ANO6: variants seen among roughly 807,000 people sequenced by gnomAD.
The protein encoded by ANO6 is anoctamin-6.
Under a neutral mutation model 117.5 loss-of-function variants are expected in ANO6, and 106 were observed. That is an observed-to-expected ratio of 0.90 (90% CI 0.77 to 1.06). The LOEUF (loss-of-function observed/expected upper bound fraction) is 1.06, where lower values mean the gene tolerates loss of function less well. Ranked by LOEUF, ANO6 falls within the 50% of genes least tolerant of loss-of-function variation. The pLI is 0.00. For missense variants in ANO6, 955 were observed against 1,121.1 expected, an observed-to-expected ratio of 0.85 and a Z score of 2.12; for synonymous variants, 367 against 385.1, an observed-to-expected ratio of 0.95 and a Z score of 0.55.
intron 1 of ANO6, among the ~76,000 whole-genome samples, chr12:45,218,926 C>T (rs1277403203): frequency 6.6e-6 from 1 of 152,248 alleles, no homozygotes; most frequent in African/African-American, 2.4e-5. Flanking sequence ...TTAATATTAC[C>T]TTTATAATTC....
At chr12:45,322,210 A>G (rs1189760210) in intron 2 of ANO6, among the ~76,000 whole-genome samples, 1 of 152,152 alleles carries the variant, frequency 6.6e-6, no homozygotes, top group East Asian at 1.9e-4. Flanking sequence ...AGAGAAAGAA[A>G]CATGAACCCA....
intron 2 of ANO6, among the ~76,000 whole-genome samples, chr12:45,320,622 C>A (rs536373229): frequency 2.6e-5 from 4 of 152,112 alleles, no homozygotes; most frequent in East Asian, 1.9e-4. Flanking sequence ...AGTTCTGTAG[C>A]TATCTATTAG....
chr12:45,247,500 G>A lies in ANO6; in HGVS notation c.70+31109G>A, dbSNP rs148730126. 1.4e-3 allele frequency among the ~76,000 whole-genome samples: 208 copies of A among 152,298 alleles called. 1 individual carries two copies. Among genetic ancestry groups the A allele is most frequent in the African/African-American group, 4.8e-3 (198 of 41,550 alleles). ...ATGGTTATGGCAGGATTGGAACTTA[G>A]GCTGAATCACTGAGGTGGTTCCTGG... On this transcript the variant is annotated intron_variant, in intron 1 of 19. Coordinates refer to ENST00000320560, the MANE Select transcript of ANO6 (RefSeq NM_001025356.3).
At chr12:45,407,841 A>G (rs2137651946) in intron 15 of ANO6, among the ~76,000 whole-genome samples, 1 of 152,182 alleles carries the variant, frequency 6.6e-6, no homozygotes, top group South Asian at 2.1e-4. Context: ...TTATTTTTTT[A>G]CCAAAGTTAA....
In ANO6 at chr12:45,367,712, T is replaced by C. The variant is rs757005831; in HGVS notation, c.1023T>C (p.Ile341=). ...TWSKEVCHPD[I]GGKIIMCPQC... Reference sequence around the variant, plus strand: ...GCAAAGAAGTTTGTCATCCTGATATTGGTGGCAAGATCATAATGTGTCCTC... The same window carrying C: ...GCAAAGAAGTTTGTCATCCTGATATCGGTGGCAAGATCATAATGTGTCCTC... The change falls in exon 9 of 20, where the codon ATT becomes ATC. Residue 341 remains isoleucine (I), a synonymous_variant. Coordinates refer to ENST00000320560, the MANE Select transcript of ANO6 (RefSeq NM_001025356.3). 2 of 1,613,376 alleles carry C rather than the reference T, an allele frequency of 1.2e-6. No individual in the cohort carries two copies. Among genetic ancestry groups the C allele is most frequent in the Non-Finnish European group, 1.7e-6 (2 of 1,179,760 alleles).
chr12:45,282,353 G>A (rs1417664776), intron 1 of ANO6, among the ~76,000 whole-genome samples: 1 of 152,208 alleles, frequency 6.6e-6, no homozygotes, highest in African/African-American at 2.4e-5. Context: ...AGACAAAGAG[G>A]AGCAGGGCTT....
At chr12:45,283,884 T>A (rs1938823129) in intron 1 of ANO6, among the ~76,000 whole-genome samples, 1 of 152,234 alleles carries the variant, frequency 6.6e-6, no homozygotes, top group Non-Finnish European at 1.5e-5. Context: ...CCTCTTAGAT[T>A]GTCTCTCACT....
intron 1 of ANO6, among the ~76,000 whole-genome samples, chr12:45,258,416 A>T (rs1937911681): frequency 6.6e-6 from 1 of 151,962 alleles, no homozygotes; most frequent in Admixed American, 6.6e-5. Flanking sequence ...TTTTTTTACA[A>T]TAATCATGTT....
chr12:45,376,072 A>C (rs1317657743), intron 9 of ANO6, among the ~76,000 whole-genome samples: 1 of 151,050 alleles, frequency 6.6e-6, no homozygotes, highest in Non-Finnish European at 1.5e-5. Context: ...AAAAGAAGAC[A>C]TTTATGCAGC....
intron 1 of ANO6, among the ~76,000 whole-genome samples, chr12:45,265,403 A>C (rs1443768141): frequency 1.3e-5 from 2 of 152,226 alleles, no homozygotes; most frequent in African/African-American, 4.8e-5. Flanking sequence ...CTGGCTCCAC[A>C]CCTCACATTT....
intron 2 of ANO6, among the ~76,000 whole-genome samples, chr12:45,314,351 A>G (rs528346806): frequency 1.3e-5 from 2 of 151,836 alleles, no homozygotes; most frequent in East Asian, 1.9e-4. Flanking sequence ...CTGGAGGCCT[A>G]TAATCCTAGC....
In ANO6 at chr12:45,403,509, G is replaced by T. The variant is rs772917544; in HGVS notation, c.1853G>T (p.Trp618Leu). 6 of 1,613,448 alleles carry T rather than the reference G, an allele frequency of 3.7e-6. No individual in the cohort carries two copies. The Admixed American group carries it at 1.0e-4, about 27-fold the overall frequency. The stretch of plus-strand genomic sequence containing the variant: ...ATAATCATGGGAGGAAAAGCAATCT[G>T]GAATAACATACAAGAAGTATTATTG... ...LTIIMGGKAI[W>L]NNIQEVLLPW... Residue 618 changes from tryptophan to leucine, a missense_variant, in exon 15 of 20, where the codon TGG (tryptophan) becomes TTG (leucine). Trp to Leu is a moderately conservative substitution (Grantham distance 61, BLOSUM62 -2). Coordinates refer to ENST00000320560, the MANE Select transcript of ANO6 (RefSeq NM_001025356.3).
intron 1 of ANO6, among the ~76,000 whole-genome samples, chr12:45,255,818 G>GTTTTTTTT (rs551517877): frequency 0.014 from 1,151 of 81,600 alleles, 68 homozygotes; most frequent in African/African-American, 0.04. Flanking sequence ...CTCCCTGGGT[G>GTTTTTTTT]TTTTTTTTTT....
intron 1 of ANO6, among the ~76,000 whole-genome samples, chr12:45,261,344 TC>T (rs748775977): frequency 1.3e-5 from 2 of 152,222 alleles, no homozygotes; most frequent in Non-Finnish European, 2.9e-5. Context: ...TTTTAGTATT[TC>T]ACTTGCTATC....
At chr12:45,240,468 G>C (rs576484878) in intron 1 of ANO6, among the ~76,000 whole-genome samples, 5 of 141,492 alleles carry the variant, frequency 3.5e-5, no homozygotes, top group African/African-American at 1.0e-4. Context: ...TGGGTCTCCT[G>C]AATTCAGCAC....
At chr12:45,409,746 C>A (rs1943037541) in intron 16 of ANO6, among the ~76,000 whole-genome samples, 1 of 152,038 alleles carries the variant, frequency 6.6e-6, no homozygotes, top group Non-Finnish European at 1.5e-5. Flanking sequence ...TACATCTTTA[C>A]CATTAATTCT....
rs557996160 is a variant in ANO6 at position 45,221,061 on chromosome 12, G to C, written c.70+4670G>C. Reference sequence around the variant, plus strand: ...GGGCCTGTGATTGGTGTCGGAAGTGGGGGGGGGCAGCCTTGTAGGACTGAG... The same window carrying C: ...GGGCCTGTGATTGGTGTCGGAAGTGCGGGGGGGCAGCCTTGTAGGACTGAG... On this transcript the variant is annotated intron_variant, in intron 1 of 19. Coordinates refer to ENST00000320560, the MANE Select transcript of ANO6 (RefSeq NM_001025356.3). 7.9e-3 allele frequency among the ~76,000 whole-genome samples: 1,205 copies of C among 151,798 alleles called. 11 individuals carry two copies. The highest frequency in any genetic ancestry group is 0.012 in the Non-Finnish European group (831 of 67,904).
intron 1 of ANO6, among the ~76,000 whole-genome samples, chr12:45,285,917 CAGAT>C (rs1411009205): frequency 6.6e-6 from 1 of 152,130 alleles, no homozygotes; most frequent in African/African-American, 2.4e-5. Flanking sequence ...GAGTTTCCCT[CAGAT>C]AGCTGCCTTA....
intron 2 of ANO6, among the ~76,000 whole-genome samples, chr12:45,318,836 T>C (rs1940146693): frequency 6.6e-6 from 1 of 152,190 alleles, no homozygotes; most frequent in Non-Finnish European, 1.5e-5. Context: ...AGGAGGTCCT[T>C]CACATCCCTT....
Sources: gnomAD v4.1 joint callset for allele counts (sites outside exome capture counted in the v4.1 genomes callset) on GRCh38, gnomAD v4.1.1 for gene constraint, MANE v1.5 for transcripts, NCBI Gene and HGNC (gene_info 2026-07-23, HGNC 2026-07-21) for gene names.